The following PAPSS1 variants were observed in gnomAD, a reference collection of about 807,000 sequenced individuals.
PAPSS1 encodes 3'-phosphoadenosine 5'-phosphosulfate synthase 1.
Under a neutral mutation model 72.0 loss-of-function variants are expected in PAPSS1, and 50 were observed. That is an observed-to-expected ratio of 0.69 (90% CI 0.55 to 0.88). The LOEUF (loss-of-function observed/expected upper bound fraction) is 0.88. Among genes scored for constraint, PAPSS1 ranks in the 40% least tolerant of loss-of-function variants. The probability of loss-of-function intolerance (pLI) is 0.00; values close to 1 mark genes in which losing one functional copy is unlikely to be tolerated. For missense variants in PAPSS1, 657 were observed against 782.2 expected (o/e 0.84, Z 1.91); for synonymous variants, 261 against 263.6 (o/e 0.99, Z 0.09).
intron 5 of PAPSS1, among the ~76,000 whole-genome samples, chr4:107,678,722 G>A (rs1560582448): frequency 6.6e-6 from 1 of 152,154 alleles, no homozygotes; most frequent in African/African-American, 2.4e-5. Flanking sequence ...CATGCCTATG[G>A]CAGGTGCTCA....
intron 5 of PAPSS1, among the ~76,000 whole-genome samples, chr4:107,664,021 T>C (rs926617759): frequency 2.6e-5 from 4 of 152,322 alleles, no homozygotes; most frequent in African/African-American, 4.8e-5. Context: ...TGAGCCTAAA[T>C]AGTTCTATTA....
intron 5 of PAPSS1, among the ~76,000 whole-genome samples, chr4:107,677,921 C>G (rs930927875): frequency 6.6e-6 from 1 of 152,034 alleles, no homozygotes; most frequent in Non-Finnish European, 1.5e-5. Flanking sequence ...TCATTCTCAG[C>G]AAACTATCGC....
chr4:107,654,652 C>CA lies in PAPSS1; in HGVS notation c.1101+42dup, dbSNP rs763993001. 12 of 1,492,374 alleles carry CA rather than the reference C, an allele frequency of 8.0e-6. No individual in the cohort carries two copies. In the African/African-American group the frequency reaches 1.4e-4, roughly 17 times the overall value. 92.4% of individuals were successfully genotyped at this position (1,492,374 alleles called of 1,614,324 possible). A position where few individuals can be genotyped will look rare whatever the true frequency, so the allele number is the denominator to read the frequency against. ...AATGCCCACATTTCAGCACAAACAT[C>CA]ATTGGCAAATCAAGATAAAATGCAG... On this transcript the variant is annotated intron_variant, in intron 8 of 11. Transcript: ENST00000265174.
In PAPSS1 at chr4:107,694,005, G is replaced by A; in HGVS notation, c.177C>T (p.Gly59=). 1.9e-6 allele frequency: 3 copies of A among 1,604,662 alleles called. No homozygotes were observed. The highest frequency in any genetic ancestry group is 1.7e-6 in the Non-Finnish European group (2 of 1,172,970). The change falls in exon 3 of 12, where the codon GGC becomes GGT. Residue 59 remains glycine, a splice_region_variant and synonymous_variant. Coordinates refer to ENST00000265174, the MANE Select transcript of PAPSS1 (RefSeq NM_005443.5). ...CAGTAGTCTTTCCCGCTCCAGACAA[G>A]CCTAAAATTAAACAGTCCAAACAGA... ...GFRGCTVWLT[G]LSGAGKTTVS...
At chr4:107,719,176 T>G (rs188784454) in intron 1 of PAPSS1, among the ~76,000 whole-genome samples, 1 of 128,768 alleles carries the variant, frequency 7.8e-6, no homozygotes, top group African/African-American at 2.6e-5. Flanking sequence ...AACATTTGCC[T>G]GAAATTGCTT....
chr4:107,659,708 A>G (rs1727118018), intron 6 of PAPSS1, among the ~76,000 whole-genome samples: 1 of 152,172 alleles, frequency 6.6e-6, no homozygotes, highest in Non-Finnish European at 1.5e-5. Context: ...CTCATGTAAT[A>G]TTTGTTCTTT....
At chr4:107,621,952 C>T (rs1725976198) in intron 11 of PAPSS1, among the ~76,000 whole-genome samples, 1 of 152,034 alleles carries the variant, frequency 6.6e-6, no homozygotes, top group African/African-American at 2.4e-5. Flanking sequence ...TCAGAGTGAG[C>T]ACAAATGGCT....
At chr4:107,627,989 T>C (rs1167406528) in intron 11 of PAPSS1, among the ~76,000 whole-genome samples, 1 of 152,204 alleles carries the variant, frequency 6.6e-6, no homozygotes, top group Non-Finnish European at 1.5e-5. Flanking sequence ...AATGTTCTAG[T>C]TTGTTGCAAA....
intron 5 of PAPSS1, among the ~76,000 whole-genome samples, chr4:107,680,227 G>T (rs1039941852): frequency 2.0e-5 from 3 of 151,606 alleles, no homozygotes; most frequent in African/African-American, 7.3e-5. Context: ...ATTCTAAACA[G>T]TAAGAAAAAA....
At chr4:107,616,060 T>C (rs1382455281) in intron 11 of PAPSS1, among the ~76,000 whole-genome samples, 3 of 149,106 alleles carry the variant, frequency 2.0e-5, no homozygotes, top group East Asian at 2.0e-4. Context: ...CAGACAAATA[T>C]CACTGCTATT....
intron 4 of PAPSS1, among the ~76,000 whole-genome samples, chr4:107,685,007 G>A (rs532272485): frequency 9.2e-5 from 14 of 152,186 alleles, no homozygotes; most frequent in South Asian, 6.2e-4. Flanking sequence ...CTGTGTTCAC[G>A]CCATTCTCCT....
At chr4:107,686,840 G>A (rs556400150) in intron 4 of PAPSS1, among the ~76,000 whole-genome samples, 199 bp downstream of exon 4, 6 of 152,256 alleles carry the variant, frequency 3.9e-5, no homozygotes, top group African/African-American at 1.4e-4. Context: ...GATTCCAAAA[G>A]GATCAACAAG....
chr4:107,687,884 C>A (rs1722827820), intron 3 of PAPSS1, among the ~76,000 whole-genome samples: 1 of 151,856 alleles, frequency 6.6e-6, no homozygotes, highest in South Asian at 2.1e-4. Context: ...TTTTTCCACA[C>A]AGCTCATTTT....
At chr4:107,658,714 T>A (rs1430527474) in intron 6 of PAPSS1, among the ~76,000 whole-genome samples, 1 of 148,910 alleles carries the variant, frequency 6.7e-6, no homozygotes, top group Non-Finnish European at 1.5e-5. Context: ...CATGAAGAAA[T>A]TTTTTTTTTT....
At chr4:107,708,634 T>C (rs951719723) in intron 1 of PAPSS1, among the ~76,000 whole-genome samples, 5 of 152,170 alleles carry the variant, frequency 3.3e-5, no homozygotes, top group Non-Finnish European at 5.9e-5. Context: ...TGAGAAAAAA[T>C]ACAGACAGGG....
At chr4:107,683,253 AT>A (rs1026893628) in intron 4 of PAPSS1, among the ~76,000 whole-genome samples, 1 of 151,700 alleles carries the variant, frequency 6.6e-6, no homozygotes, top group Non-Finnish European at 1.5e-5. Flanking sequence ...CATTTATTTC[AT>A]TTTTTTTCTA....
intron 8 of PAPSS1, 44 bp from the exon 9 acceptor site, chr4:107,653,670 A>G (rs1726919741): frequency 1.3e-6 from 2 of 1,561,008 alleles, no homozygotes; most frequent in Non-Finnish European, 1.8e-6. Context: ...CGAGATCAAA[A>G]TAAGTAAAAA....
intron 2 of PAPSS1, among the ~76,000 whole-genome samples, chr4:107,699,631 T>C (rs567741583): frequency 6.6e-6 from 1 of 152,300 alleles, no homozygotes; most frequent in South Asian, 2.1e-4. Flanking sequence ...AAAGCCTCTA[T>C]TTCCCTGTAT....
At chr4:107,658,986 T>G (rs550636791) in intron 6 of PAPSS1, among the ~76,000 whole-genome samples, 3 of 152,350 alleles carry the variant, frequency 2.0e-5, no homozygotes, top group East Asian at 3.9e-4. Context: ...CTTTCTGGAT[T>G]CTAGAATCTG....
Sources: gnomAD v4.1 joint callset for allele counts (sites outside exome capture counted in the v4.1 genomes callset) on GRCh38, gnomAD v4.1.1 for gene constraint, MANE v1.5 for transcripts, NCBI Gene and HGNC (gene_info 2026-07-23, HGNC 2026-07-21) for gene names.